AGRP: variants seen among roughly 807,000 people sequenced by gnomAD.
The protein encoded by AGRP is agouti related neuropeptide, also known as agouti-related protein.
In AGRP, 8 loss-of-function variants were observed where a neutral mutation model predicts 13.6. The observed-to-expected ratio is 0.59, with a 90% CI of 0.35 to 1.06. The LOEUF (loss-of-function observed/expected upper bound fraction) is 1.06. Among genes scored for constraint, AGRP ranks in the 50% least tolerant of loss-of-function variants. AGRP has a pLI of 0.02. For synonymous variants in AGRP, 63 were observed against 72.4 expected, an observed-to-expected ratio of 0.87 and a Z score of 0.66; for missense variants, 155 against 174.8, an observed-to-expected ratio of 0.89 and a Z score of 0.64.
rs752295493 is a variant in AGRP at position 67,483,057 on chromosome 16, C to T, written c.184G>A (p.Asp62Asn). ...KKTTAEQAEE[D>N]LLQEAQALAE... is the part of the protein sequence containing the mutation. ...AAGGCCTGAGCCTCCTGCAACAGAT[C>T]CTCTTCTGCCTGTTCTGCAGTTGTC... The change falls in exon 3 of 4, where the codon GAT (aspartate) becomes AAT (asparagine). Residue 62 changes from aspartate (D) to asparagine (N), a missense_variant. Physicochemically the swap from Asp to Asn is conservative, Grantham distance 23. Transcript: ENST00000290953. 1 of 1,614,212 alleles carries T rather than the reference C, an allele frequency of 6.2e-7. No individual in the cohort carries two copies. The highest frequency in any genetic ancestry group is 1.7e-5 in the Admixed American group (1 of 60,036).
At chr16:67,482,995 A>G in intron 3 of AGRP, 30 bp downstream of exon 3, 1 of 1,610,712 alleles carries the variant, frequency 6.2e-7, no homozygotes, top group Non-Finnish European at 8.5e-7. Context: ...CCCAAGGGCC[A>G]CCACCTTACC....
chr16:67,483,491 A>G (rs1424704734), intron 1 of AGRP, 26 bp downstream of exon 1: 24 of 1,369,608 alleles, frequency 1.8e-5, no homozygotes, highest in Non-Finnish European at 2.2e-5. Flanking sequence ...AGAGAGGAGG[A>G]GTCCCTGCCC....
rs933656758 is a variant in AGRP, at chr16:67,482,626, C to T, written c.*10G>A. On this transcript the variant is annotated 3_prime_UTR_variant, in exon 4 of 4. Coordinates refer to ENST00000290953, the MANE Select transcript of AGRP (RefSeq NM_001138.2). ...GCCCCTACCCTAGCCCCGACCCTGA[C>T]GTTGGCCAGCTAGGTGCGGCTGCAG... The T allele has an allele frequency of 1.1e-5, 18 of 1,614,142 alleles. No homozygotes were observed. The highest frequency in any genetic ancestry group is 1.4e-5 in the Non-Finnish European group (17 of 1,180,018).
intron 3 of AGRP, 62 bp downstream of exon 3, chr16:67,482,963 G>A (rs2041519332): frequency 6.3e-6 from 10 of 1,580,586 alleles, no homozygotes; most frequent in African/African-American, 1.3e-5. Flanking sequence ...CTGGGGAGAG[G>A]AGCTAATACC....
chr16:67,483,262 C>T lies in AGRP; in HGVS notation c.130+7G>A, dbSNP rs774704052. On this transcript the variant is annotated splice_region_variant and intron_variant, in intron 2 of 3. Coordinates refer to ENST00000290953, the MANE Select transcript of AGRP (RefSeq NM_001138.2). ...CCCCGCCCAGTCCCACCCTTGCTCA[C>T]ACTGACCTGGGAGCTCTGGGAGCAG... 6.9e-6 allele frequency: 11 copies of T among 1,582,838 alleles called. No homozygotes were observed. The highest frequency in any genetic ancestry group is 8.6e-6 in the Non-Finnish European group (10 of 1,164,918).
Position 67,483,076 on chromosome 16 carries a change from A to T in AGRP, c.165T>A (p.Thr55=). The change falls in exon 3 of 4, where the codon ACT becomes ACA. Residue 55 remains threonine, a synonymous_variant. Coordinates refer to ENST00000290953, the MANE Select transcript of AGRP (RefSeq NM_001138.2). ...ACAGATCCTCTTCTGCCTGTTCTGCAGTTGTCTTCTTCAGTGGGGCCCGCA... is the reference window on the plus strand; with the variant it reads ...ACAGATCCTCTTCTGCCTGTTCTGCTGTTGTCTTCTTCAGTGGGGCCCGCA... ...LGLRAPLKKT[T]AEQAEEDLLQ... The T allele has an allele frequency of 6.2e-7, 1 of 1,614,126 alleles. No homozygotes were observed. Among genetic ancestry groups the T allele is most frequent in the African/African-American group, 1.3e-5 (1 of 75,026 alleles).
At chr16:67,483,182 G>A in intron 2 of AGRP, 72 bp from the exon 3 acceptor site, 7 of 1,610,246 alleles carry the variant, frequency 4.3e-6, no homozygotes, top group Non-Finnish European at 5.9e-6. Flanking sequence ...GGTTTGGGAA[G>A]GGAGAAAGAG....
rs759106876 is a variant in AGRP at position 67,482,590 on chromosome 16, C to T, written c.*46G>A. On this transcript the variant is annotated 3_prime_UTR_variant, in exon 4 of 4. Transcript: ENST00000290953. ...CTTGGGGTTGGTCCCATCCTTTATT[C>T]GAGTTTCCTTGCCCCTACCCTAGCC... The T allele has an allele frequency of 1.8e-4, 286 of 1,608,928 alleles. 4 individuals are homozygous for T. The South Asian group carries it at 2.2e-3, about 13-fold the overall frequency.
Position 67,483,078 on chromosome 16 carries a change from T to C in AGRP, c.163A>G (p.Thr55Ala). The C allele has an allele frequency of 6.2e-7, 1 of 1,614,124 alleles. No individual in the cohort carries two copies. The highest frequency in any genetic ancestry group is 1.3e-5 in the African/African-American group (1 of 75,032). Residue 55 changes from threonine (T) to alanine (A), a missense_variant, in exon 3 of 4, where the codon ACT (threonine) becomes GCT (alanine). Thr to Ala is a moderately conservative substitution (Grantham distance 58, BLOSUM62 0). Transcript: ENST00000290953. Reference protein sequence around the residue: ...LGLRAPLKKTTAEQAEEDLLQ... With the variant: ...LGLRAPLKKTAAEQAEEDLLQ... ...AGATCCTCTTCTGCCTGTTCTGCAG[T>C]TGTCTTCTTCAGTGGGGCCCGCAGG...
At position 67,482,722 on chromosome 16, in the gene AGRP, A is replaced by G; in HGVS notation, c.313T>C (p.Cys105Arg). Reference sequence around the variant, plus strand: ...AAGAAGCGGCAGTAGCACGTGGCACATGGGTCACAGCAAGGCACCTGCTGT... The same window carrying G: ...AAGAAGCGGCAGTAGCACGTGGCACGTGGGTCACAGCAAGGCACCTGCTGT... Reference protein sequence around the residue: ...LGQQVPCCDPCATCYCRFFNA... With the variant: ...LGQQVPCCDPRATCYCRFFNA... Residue 105 changes from cysteine to arginine, a missense_variant, in exon 4 of 4, where the codon TGT (cysteine) becomes CGT (arginine). Cys to Arg is a radical substitution (Grantham distance 180). Coordinates refer to ENST00000290953, the MANE Select transcript of AGRP (RefSeq NM_001138.2). 6.2e-7 allele frequency: 1 copy of G among 1,614,212 alleles called. No individual in the cohort carries two copies. The highest frequency in any genetic ancestry group is 8.5e-7 in the Non-Finnish European group (1 of 1,180,030).
rs140670389 is a variant in AGRP, at chr16:67,482,750, C to G, written c.285G>C (p.Leu95=). 1.1e-5 allele frequency: 17 copies of G among 1,614,214 alleles called. No individual in the cohort carries two copies. The highest frequency in any genetic ancestry group is 1.4e-5 in the Non-Finnish European group (16 of 1,180,038). The change falls in exon 4 of 4, where the codon CTG becomes CTC. Residue 95 remains leucine, a synonymous_variant. Coordinates refer to ENST00000290953, the MANE Select transcript of AGRP (RefSeq NM_001138.2). ...GGTCACAGCAAGGCACCTGCTGTCC[C>G]AGGCAGGACTCATGCAGCCTTACGC... ...RRCVRLHESC[L]GQQVPCCDPC...
Position 67,483,077 on chromosome 16 carries a change from G to T in AGRP, c.164C>A (p.Thr55Asn), listed in dbSNP as rs2041522613. 1 of 1,614,204 alleles carries T rather than the reference G, an allele frequency of 6.2e-7. No individual in the cohort carries two copies. Among genetic ancestry groups the T allele is most frequent in the Non-Finnish European group, 8.5e-7 (1 of 1,180,032 alleles). ...CAGATCCTCTTCTGCCTGTTCTGCA[G>T]TTGTCTTCTTCAGTGGGGCCCGCAG... The part of the protein sequence containing the change: ...LGLRAPLKKT[T>N]AEQAEEDLLQ... The change falls in exon 3 of 4, where the codon ACT becomes AAT. Residue 55 changes from threonine to asparagine, a missense_variant. Coordinates refer to ENST00000290953, the MANE Select transcript of AGRP (RefSeq NM_001138.2).
At chr16:67,482,964 A>G in intron 3 of AGRP, 61 bp downstream of exon 3, 2 of 1,571,878 alleles carry the variant, frequency 1.3e-6, no homozygotes, top group Non-Finnish European at 1.8e-6. Context: ...TGGGGAGAGG[A>G]GCTAATACCC....
In AGRP at chr16:67,483,254, C is replaced by A; in HGVS notation, c.130+15G>T. 1 of 1,582,878 alleles carries A rather than the reference C, an allele frequency of 6.3e-7. No individual in the cohort carries two copies. The highest frequency in any genetic ancestry group is 1.2e-5 in the South Asian group (1 of 86,466). On this transcript the variant is annotated intron_variant, in intron 2 of 3. Coordinates refer to ENST00000290953, the MANE Select transcript of AGRP (RefSeq NM_001138.2). ...TATTCAGGCCCCGCCCAGTCCCACC[C>A]TTGCTCACACTGACCTGGGAGCTCT...
chr16:67,483,220 GC>G, intron 2 of AGRP, 48 bp downstream of exon 2: 1 of 1,591,886 alleles, frequency 6.3e-7, no homozygotes, highest in South Asian at 1.1e-5. Flanking sequence ...ACTATTTGTG[GC>G]CAGAGGGTAT....
Position 67,482,610 on chromosome 16 carries a change from C to T in AGRP, c.*26G>A, listed in dbSNP as rs764592588. 213 of 1,613,912 alleles carry T rather than the reference C, an allele frequency of 1.3e-4. 2 individuals are homozygous for T. Among genetic ancestry groups the T allele is most frequent in the Non-Finnish European group, 1.3e-4 (148 of 1,179,926 alleles). Reference sequence around the variant, plus strand: ...TTATTCGAGTTTCCTTGCCCCTACCCTAGCCCCGACCCTGACGTTGGCCAG... The same window carrying T: ...TTATTCGAGTTTCCTTGCCCCTACCTTAGCCCCGACCCTGACGTTGGCCAG... On this transcript the variant is annotated 3_prime_UTR_variant, in exon 4 of 4. Transcript: ENST00000290953.
Position 67,482,664 on chromosome 16 carries a change from G to T in AGRP, c.371C>A (p.Thr124Asn). The change falls in exon 4 of 4, where the codon ACT becomes AAT. Residue 124 changes from threonine to asparagine, a missense_variant. Coordinates refer to ENST00000290953, the MANE Select transcript of AGRP (RefSeq NM_001138.2). Reference sequence around the variant, plus strand: ...GGTGCGGCTGCAGGGATTCATGGCAGTACCCAGCTTGCGGCAGTAGCAGAA... The same window carrying T: ...GGTGCGGCTGCAGGGATTCATGGCATTACCCAGCTTGCGGCAGTAGCAGAA... Reference protein sequence around the residue: ...NAFCYCRKLGTAMNPCSRT With the variant: ...NAFCYCRKLGNAMNPCSRT The T allele has an allele frequency of 6.2e-7, 1 of 1,614,214 alleles. No individual in the cohort carries two copies. Among genetic ancestry groups the T allele is most frequent in the Non-Finnish European group, 8.5e-7 (1 of 1,180,040 alleles).
Position 67,482,871 on chromosome 16 carries a change from A to G in AGRP, c.217-53T>C. ...CTCTAAAGACAGATCCAGGGATCTTACCTGTCCCAACCTGTGCAGGATGGC... is the reference window on the plus strand; with the variant it reads ...CTCTAAAGACAGATCCAGGGATCTTGCCTGTCCCAACCTGTGCAGGATGGC... On this transcript the variant is annotated intron_variant, in intron 3 of 3. Transcript: ENST00000290953. 1.9e-6 allele frequency: 3 copies of G among 1,598,992 alleles called. No homozygotes were observed. In the South Asian group the frequency reaches 3.3e-5, roughly 18 times the overall value.
rs2041513829 is a variant in AGRP at position 67,482,793 on chromosome 16, G to GGCTCGCGGTCCTGCAGGTCT, written c.222_241dup (p.Pro81GlnfsTer15). On this transcript the variant is annotated frameshift_variant, in exon 4 of 4. Transcript: ENST00000290953. LOFTEE classifies it high-confidence loss of function. ...CCTTACGCAGCGACGTGAGGAGCGG[G>GGCTCGCGGTCCTGCAGGTCT]GCTCGCGGTCCTGCAGGTCTAGTAC... 1 of 1,614,068 alleles carries GGCTCGCGGTCCTGCAGGTCT rather than the reference G, an allele frequency of 6.2e-7. No individual in the cohort carries two copies. Among genetic ancestry groups the GGCTCGCGGTCCTGCAGGTCT allele is most frequent in the South Asian group, 1.1e-5 (1 of 91,090 alleles).
Sources: allele counts gnomAD v4.1 joint callset, GRCh38; gene constraint gnomAD v4.1.1; transcripts MANE v1.5; gene names NCBI Gene and HGNC (gene_info 2026-07-23, HGNC 2026-07-21).